SHISAL2B: variants seen among roughly 807,000 people sequenced by gnomAD.
The protein encoded by SHISAL2B is protein shisa-like-2B.
In SHISAL2B, 12 loss-of-function variants were observed where a neutral mutation model predicts 16.5. The ratio of observed to expected loss-of-function variants is 0.73; its 90% CI spans 0.47 to 1.18. SHISAL2B has a LOEUF of 1.18. Among genes scored for constraint, SHISAL2B ranks in the 50% most tolerant of loss-of-function variants. SHISAL2B has a pLI of 0.00. For missense variants in SHISAL2B, 183 were observed against 193.6 expected (o/e 0.95, Z 0.33); for synonymous variants, 72 against 75.0 (o/e 0.96, Z 0.21).
At chr5:64,714,584 G>C (rs1241120627) in intron 2 of SHISAL2B, among the ~76,000 whole-genome samples, 4 of 152,076 alleles carry the variant, frequency 2.6e-5, no homozygotes, top group South Asian at 2.1e-4. Flanking sequence ...CGAGCTTCCC[G>C]GCTGCTTTGT....
intron 2 of SHISAL2B, among the ~76,000 whole-genome samples, chr5:64,717,487 A>G (rs1007027079): frequency 1.4e-4 from 22 of 152,304 alleles, no homozygotes; most frequent in African/African-American, 3.4e-4. Flanking sequence ...AATAAACCAC[A>G]TCTAAATCAG....
At chr5:64,699,534 T>C (rs901133361) in intron 2 of SHISAL2B, among the ~76,000 whole-genome samples, 6 of 152,194 alleles carry the variant, frequency 3.9e-5, no homozygotes, top group Admixed American at 3.9e-4. Context: ...GTCTTGAAGG[T>C]TAGGAATATA....
intron 2 of SHISAL2B, among the ~76,000 whole-genome samples, chr5:64,709,865 C>T (rs1361350307): frequency 9.4e-4 from 143 of 152,160 alleles, no homozygotes; most frequent in Non-Finnish European, 1.6e-3. Context: ...TCATGTCCTT[C>T]GCCCACTTTT....
At chr5:64,695,461 T>C (rs1402897483) in intron 1 of SHISAL2B, 46 bp from the exon 2 acceptor site, 2 of 1,421,668 alleles carry the variant, frequency 1.4e-6, no homozygotes, top group Non-Finnish European at 1.9e-6. Context: ...GTTGAACCAG[T>C]GTGAACCACT....
intron 2 of SHISAL2B, among the ~76,000 whole-genome samples, chr5:64,712,577 C>T (rs1256160444): frequency 6.6e-5 from 10 of 150,770 alleles, no homozygotes; most frequent in Non-Finnish European, 1.5e-4. Flanking sequence ...GAGCTGAGTT[C>T]AATTCCTGGG....
intron 2 of SHISAL2B, 115 bp downstream of exon 2, chr5:64,695,779 T>C: frequency 4.1e-6 from 3 of 723,072 alleles, no homozygotes; most frequent in South Asian, 3.9e-5. Context: ...CAGTTCACTA[T>C]GTGTCTCACT....
intron 2 of SHISAL2B, among the ~76,000 whole-genome samples, chr5:64,707,053 CAT>C (rs1045213002): frequency 1.4e-4 from 22 of 151,998 alleles, no homozygotes; most frequent in African/African-American, 5.3e-4. Context: ...CATTTTGAAA[CAT>C]AGTTTTTCTT....
At chr5:64,703,727 A>G (rs536391264) in intron 2 of SHISAL2B, among the ~76,000 whole-genome samples, 1 of 152,244 alleles carries the variant, frequency 6.6e-6, no homozygotes, top group African/African-American at 2.4e-5. Flanking sequence ...TGGAAAAAAT[A>G]GGGTAGGAAA....
chr5:64,716,247 A>G (rs1049850653), intron 2 of SHISAL2B, among the ~76,000 whole-genome samples: 2 of 152,208 alleles, frequency 1.3e-5, no homozygotes, highest in African/African-American at 2.4e-5. Context: ...CATATTAGGC[A>G]TGCATTATTT....
At chr5:64,716,425 C>T (rs1347161381) in intron 2 of SHISAL2B, among the ~76,000 whole-genome samples, 1 of 152,096 alleles carries the variant, frequency 6.6e-6, no homozygotes, top group Non-Finnish European at 1.5e-5. Context: ...TCAAAAGTTT[C>T]TTGGAATGTG....
chr5:64,694,713 C>T (rs1471242662), intron 1 of SHISAL2B, among the ~76,000 whole-genome samples: 2 of 152,166 alleles, frequency 1.3e-5, no homozygotes, highest in Non-Finnish European at 2.9e-5. Flanking sequence ...ATACGATTTT[C>T]CTTTAATTCA....
At chr5:64,695,955 T>C (rs1215346307) in intron 2 of SHISAL2B, among the ~76,000 whole-genome samples, 1 of 152,238 alleles carries the variant, frequency 6.6e-6, no homozygotes, top group East Asian at 1.9e-4. Flanking sequence ...AAGTTTATCC[T>C]CTTGAAATTT....
chr5:64,711,568 G>A, intron 2 of SHISAL2B, among the ~76,000 whole-genome samples: 2 of 68,872 alleles, frequency 2.9e-5, no homozygotes, highest in African/African-American at 7.0e-5. Flanking sequence ...GAGTTAGGGA[G>A]GATTCCCTCT....
At chr5:64,712,859 A>C (rs1035706393) in intron 2 of SHISAL2B, among the ~76,000 whole-genome samples, 1 of 149,862 alleles carries the variant, frequency 6.7e-6, no homozygotes, top group African/African-American at 2.4e-5. Context: ...CTAGGATTGC[A>C]ACCCCTGCCT....
At chr5:64,717,324 C>G (rs1034844169) in intron 2 of SHISAL2B, among the ~76,000 whole-genome samples, 1 of 152,114 alleles carries the variant, frequency 6.6e-6, no homozygotes, top group African/African-American at 2.4e-5. Flanking sequence ...TCAACTTTTC[C>G]TAACACTGTT....
At chr5:64,696,183 T>C (rs1280323913) in intron 2 of SHISAL2B, among the ~76,000 whole-genome samples, 1 of 152,262 alleles carries the variant, frequency 6.6e-6, no homozygotes, top group East Asian at 1.9e-4. Flanking sequence ...AAGATTTCAT[T>C]TTAATATGGA....
chr5:64,697,008 C>T (rs1049349278), intron 2 of SHISAL2B, among the ~76,000 whole-genome samples: 2 of 152,204 alleles, frequency 1.3e-5, no homozygotes. Context: ...GGTTTTGCGG[C>T]TCAGGTGGGC....
At chr5:64,712,439 G>C (rs1410262284) in intron 2 of SHISAL2B, among the ~76,000 whole-genome samples, 5 of 151,996 alleles carry the variant, frequency 3.3e-5, no homozygotes, top group African/African-American at 4.8e-5. Context: ...TACATTTGCT[G>C]AGGAGAGTTT....
chr5:64,708,257 C>T (rs1361474411), intron 2 of SHISAL2B, among the ~76,000 whole-genome samples: 6 of 151,990 alleles, frequency 3.9e-5, no homozygotes, highest in Non-Finnish European at 8.8e-5. Context: ...ACCAATAAGC[C>T]AAATATGTCT....
Sources: allele counts gnomAD v4.1 joint callset (sites outside exome capture counted in the v4.1 genomes callset), GRCh38; gene constraint gnomAD v4.1.1; transcripts MANE v1.5; gene names NCBI Gene and HGNC (gene_info 2026-07-23, HGNC 2026-07-21).